DPH6: variants seen among roughly 807,000 people sequenced by gnomAD.
The protein encoded by DPH6 is diphthamine biosynthesis 6.
DPH6 carries 33 observed loss-of-function variants against 38.2 expected under a neutral mutation model. The observed-to-expected ratio is 0.86, with a 90% CI of 0.65 to 1.15. The LOEUF is 1.15. DPH6 is among the 50% of genes most tolerant of loss of function. The probability of loss-of-function intolerance (pLI) is 0.00; values close to 1 mark genes in which losing one functional copy is unlikely to be tolerated. For missense variants in DPH6, 325 were observed against 320.0 expected, an observed-to-expected ratio of 1.02 and a Z score of -0.12; for synonymous variants, 108 against 103.0, an observed-to-expected ratio of 1.05 and a Z score of -0.30.
chr15:35,449,505 T>C (rs1212466482), intron 5 of DPH6, among the ~76,000 whole-genome samples: 1 of 152,146 alleles, frequency 6.6e-6, no homozygotes, highest in African/African-American at 2.4e-5. Context: ...TATGTGTACC[T>C]TTCAGTGAGA....
intron 3 of DPH6, among the ~76,000 whole-genome samples, chr15:35,472,904 TAA>T (rs374089826): frequency 0.12 from 15,686 of 135,010 alleles, 1,362 homozygotes; most frequent in African/African-American, 0.25. Flanking sequence ...AAGATGTAGT[TAA>T]AAAAAAAAAA....
intron 5 of DPH6, among the ~76,000 whole-genome samples, chr15:35,424,557 G>C (rs2053545855): frequency 6.7e-6 from 1 of 149,270 alleles, no homozygotes; most frequent in Non-Finnish European, 1.5e-5. Flanking sequence ...TCTTTTTCTT[G>C]CTTAATTTCT....
chr15:35,502,854 C>T (rs2054645492), intron 3 of DPH6, among the ~76,000 whole-genome samples: 1 of 149,418 alleles, frequency 6.7e-6, no homozygotes, highest in African/African-American at 2.4e-5. Flanking sequence ...AGTGGGAGGA[C>T]TATTGGATTC....
At chr15:35,424,109 G>A (rs1410739494) in intron 5 of DPH6, among the ~76,000 whole-genome samples, 1 of 151,412 alleles carries the variant, frequency 6.6e-6, no homozygotes, top group Non-Finnish European at 1.5e-5. Flanking sequence ...ATGCCATTGA[G>A]AATTTGATAA....
chr15:35,335,868 C>A (rs952204424), intron 3 of DPH6, among the ~76,000 whole-genome samples: 2 of 152,066 alleles, frequency 1.3e-5, no homozygotes, highest in African/African-American at 2.4e-5. Context: ...GCTCTTTGGC[C>A]TGTGTTTTGG....
chr15:35,504,072 G>C (rs1314862534), intron 3 of DPH6, among the ~76,000 whole-genome samples: 1 of 151,940 alleles, frequency 6.6e-6, no homozygotes, highest in East Asian at 1.9e-4. Flanking sequence ...GATCTCAAAA[G>C]ACCTAGCCCC....
At chr15:35,362,653 G>A (rs1183010970) in intron 3 of DPH6, among the ~76,000 whole-genome samples, 1 of 152,142 alleles carries the variant, frequency 6.6e-6, no homozygotes, top group African/African-American at 2.4e-5. Context: ...TTTAGTCATT[G>A]CCCCAAAGAG....
chr15:35,198,876 T>C, the DPH6 span, among the ~76,000 whole-genome samples: 1 of 152,154 alleles, frequency 6.6e-6, no homozygotes, highest in Non-Finnish European at 1.5e-5. Context: ...CTTCAAATAC[T>C]TTTAAGTACA....
intron 3 of DPH6, among the ~76,000 whole-genome samples, chr15:35,486,322 G>GT (rs1289133715): frequency 6.6e-6 from 1 of 151,874 alleles, no homozygotes; most frequent in Non-Finnish European, 1.5e-5. Context: ...ACAAATCAAG[G>GT]TGAGATTTTG....
intron 5 of DPH6, among the ~76,000 whole-genome samples, chr15:35,439,562 G>A (rs1566910334): frequency 6.6e-6 from 1 of 152,182 alleles, no homozygotes; most frequent in South Asian, 2.1e-4. Context: ...AAGGAATCAA[G>A]CTCAACTTGC....
In DPH6 at chr15:35,488,623, C is replaced by G. The variant is rs552729072; in HGVS notation, c.313-33803G>C. On this transcript the variant is annotated intron_variant, in intron 3 of 8. Coordinates refer to ENST00000256538, the MANE Select transcript of DPH6 (RefSeq NM_080650.4). ...AAACACCTCCCACCAGGTCCCTCCT[C>G]TGACACATGGGGATTACAATTTGAG... Among the ~76,000 whole-genome samples, 3 of 152,304 alleles carry G rather than the reference C, an allele frequency of 2.0e-5. No individual in the cohort carries two copies. In the East Asian group the frequency reaches 5.8e-4, roughly 29 times the overall value.
downstream of DPH6, among the ~76,000 whole-genome samples, chr15:35,217,123 G>GA (rs2051414968): frequency 6.6e-6 from 1 of 152,072 alleles, no homozygotes; most frequent in South Asian, 2.1e-4. Flanking sequence ...AGGACAAATA[G>GA]AAAAAATTTT....
chr15:35,291,443 A>C (rs2051979645), intron 3 of DPH6, among the ~76,000 whole-genome samples: 1 of 152,166 alleles, frequency 6.6e-6, no homozygotes, highest in Non-Finnish European at 1.5e-5. Flanking sequence ...CAAAAGTGAC[A>C]AACATCCTAA....
At chr15:35,439,321 T>C (rs1232913325) in intron 5 of DPH6, among the ~76,000 whole-genome samples, 2 of 152,240 alleles carry the variant, frequency 1.3e-5, no homozygotes, top group Non-Finnish European at 2.9e-5. Flanking sequence ...TATTTTGAGC[T>C]ATTTATAGCC....
At chr15:35,500,773 G>A (rs1178324775) in intron 3 of DPH6, among the ~76,000 whole-genome samples, 1 of 152,030 alleles carries the variant, frequency 6.6e-6, no homozygotes, top group Non-Finnish European at 1.5e-5. Context: ...CTGTTTTGTT[G>A]TTGTTGTTGT....
intron 5 of DPH6, among the ~76,000 whole-genome samples, chr15:35,420,602 C>T (rs536779174): frequency 6.6e-5 from 10 of 152,192 alleles, no homozygotes; most frequent in South Asian, 6.2e-4. Context: ...CTGCAACCTC[C>T]GCCTCCTGGG....
At chr15:35,543,358 T>C (rs911425697) in intron 1 of DPH6, among the ~76,000 whole-genome samples, 1 of 147,562 alleles carries the variant, frequency 6.8e-6, no homozygotes, top group African/African-American at 2.6e-5. Flanking sequence ...TGAAAGGAAC[T>C]TCTAAATTCT....
intron 3 of DPH6, among the ~76,000 whole-genome samples, chr15:35,338,112 T>C (rs2052388492): frequency 6.6e-6 from 1 of 152,136 alleles, no homozygotes; most frequent in Non-Finnish European, 1.5e-5. Flanking sequence ...ATTCAGGACA[T>C]AGGCATGGGC....
chr15:35,382,937 T>C (rs1351292582), intron 6 of DPH6, among the ~76,000 whole-genome samples: 1 of 152,154 alleles, frequency 6.6e-6, no homozygotes, highest in African/African-American at 2.4e-5. Flanking sequence ...AGTCTTGATA[T>C]TGAGAGTAAA....
Sources: gnomAD v4.1 joint callset for allele counts (sites outside exome capture counted in the v4.1 genomes callset) on GRCh38, gnomAD v4.1.1 for gene constraint, MANE v1.5 for transcripts, NCBI Gene and HGNC (gene_info 2026-07-23, HGNC 2026-07-21) for gene names.